TSPEAR: variants seen among roughly 807,000 people sequenced by gnomAD.
The protein encoded by TSPEAR is thrombospondin type laminin G domain and EAR repeats.
TSPEAR carries 69 observed loss-of-function variants against 71.6 expected under a neutral mutation model. That is an observed-to-expected ratio of 0.96 (90% CI 0.79 to 1.18). TSPEAR has a LOEUF of 1.18. Among genes scored for constraint, TSPEAR ranks in the 50% most tolerant of loss-of-function variants. The pLI is 0.00. For synonymous variants in TSPEAR, 402 were observed against 387.2 expected (o/e 1.04, Z -0.45); for missense variants, 971 against 894.9 (o/e 1.09, Z -1.09).
intron 1 of TSPEAR, chr21:44,702,922 G>A (rs987380934): frequency 3.4e-6 from 2 of 581,894 alleles, no homozygotes; most frequent in Admixed American, 3.0e-5. Flanking sequence ...CAAGCTGGCT[G>A]ACCTCATACC....
chr21:44,649,922 C>T (rs928504114), intron 1 of TSPEAR, among the ~76,000 whole-genome samples: 2 of 152,202 alleles, frequency 1.3e-5, no homozygotes, highest in Non-Finnish European at 2.9e-5. Flanking sequence ...GAACAGTGTC[C>T]CCTTAAAAAA....
chr21:44,653,884 T>C (rs1406873733), intron 1 of TSPEAR, among the ~76,000 whole-genome samples: 1 of 152,170 alleles, frequency 6.6e-6, no homozygotes, highest in African/African-American at 2.4e-5. Flanking sequence ...ATTCATCTGG[T>C]ACCTGCCCCT....
chr21:44,696,354 G>C (rs1555950487), intron 1 of TSPEAR, among the ~76,000 whole-genome samples: 1 of 152,218 alleles, frequency 6.6e-6, no homozygotes, highest in African/African-American at 2.4e-5. Flanking sequence ...TAAGAACATA[G>C]AATACGGGCC....
intron 2 of TSPEAR, chr21:44,539,439 G>A (rs782521385): frequency 5.6e-6 from 9 of 1,612,966 alleles, no homozygotes; most frequent in Non-Finnish European, 7.6e-6. Context: ...CGGCATACAG[G>A]GCGGCAGAGG....
chr21:44,627,453 C>G, intron 1 of TSPEAR: 4 of 1,608,776 alleles, frequency 2.5e-6, no homozygotes, highest in Non-Finnish European at 3.4e-6. Flanking sequence ...CCTCCTCCCC[C>G]TGCCAGCAGG....
At chr21:44,697,243 C>T in intron 1 of TSPEAR, 19 of 1,614,088 alleles carry the variant, frequency 1.2e-5, no homozygotes, top group Non-Finnish European at 1.6e-5. Flanking sequence ...GCAGCCGCGT[C>T]TGCCTTCCTG....
At chr21:44,523,711 A>G (rs1224333190) in intron 8 of TSPEAR, among the ~76,000 whole-genome samples, 1 of 149,148 alleles carries the variant, frequency 6.7e-6, no homozygotes, top group African/African-American at 2.5e-5. Flanking sequence ...GTAGTTAGTC[A>G]TCAGTCAGTC....
chr21:44,566,133 T>C (rs782316311), intron 2 of TSPEAR, among the ~76,000 whole-genome samples: 2 of 152,302 alleles, frequency 1.3e-5, no homozygotes, highest in African/African-American at 4.8e-5. Flanking sequence ...TGAGCCGAGA[T>C]TGCACCACTG....
intron 9 of TSPEAR, among the ~76,000 whole-genome samples, chr21:44,511,334 C>T (rs1555912653): frequency 6.7e-6 from 1 of 150,278 alleles, no homozygotes; most frequent in East Asian, 1.9e-4. Flanking sequence ...TGCATGCATA[C>T]ACACACAAAC....
intron 1 of TSPEAR, chr21:44,654,754 C>T: frequency 6.5e-6 from 4 of 611,834 alleles, no homozygotes; most frequent in Non-Finnish European, 1.2e-5. Context: ...TTTTCCTCCT[C>T]TGCCCTGTCT....
chr21:44,662,183 A>G (rs1156876168), intron 1 of TSPEAR, among the ~76,000 whole-genome samples: 1 of 152,204 alleles, frequency 6.6e-6, no homozygotes, highest in African/African-American at 2.4e-5. Flanking sequence ...CACCAAAACC[A>G]AAAAACAGAG....
At chr21:44,574,886 C>A in intron 1 of TSPEAR, 3 of 1,613,804 alleles carry the variant, frequency 1.9e-6, no homozygotes, top group Non-Finnish European at 2.5e-6. Context: ...GCTGCGTGCC[C>A]GTCCCTTCCT....
chr21:44,524,926 G>C (rs2145968714), intron 8 of TSPEAR, among the ~76,000 whole-genome samples: 1 of 151,460 alleles, frequency 6.6e-6, no homozygotes, highest in East Asian at 1.9e-4. Flanking sequence ...CAGGTAGTTA[G>C]TCATTCAGGT....
At chr21:44,515,773 A>T (rs1336680955) in intron 9 of TSPEAR, 2 of 152,242 alleles carry the variant, frequency 1.3e-5, no homozygotes, top group Non-Finnish European at 2.9e-5. Flanking sequence ...CGTTCCACGA[A>T]CACCTCCCGA....
At chr21:44,659,993 T>C (rs1985401275) in intron 1 of TSPEAR, among the ~76,000 whole-genome samples, 1 of 152,226 alleles carries the variant, frequency 6.6e-6, no homozygotes, top group Non-Finnish European at 1.5e-5. Flanking sequence ...CACAGATGGC[T>C]TCCTTCAGTG....
At chr21:44,574,827 C>A (rs1397331443) in intron 1 of TSPEAR, 1 of 1,613,874 alleles carries the variant, frequency 6.2e-7, no homozygotes, top group Non-Finnish European at 8.5e-7. Context: ...CTGCTGCAGA[C>A]CCTCCTCCTC....
chr21:44,504,814 C>T lies in TSPEAR; in HGVS notation c.1822G>A (p.Gly608Arg), dbSNP rs1479814077. Residue 608 changes from glycine (G) to arginine (R), a missense_variant, in exon 11 of 12, where the codon GGG becomes AGG. Gly to Arg is a moderately radical substitution (Grantham distance 125). Coordinates refer to ENST00000323084, the MANE Select transcript of TSPEAR (RefSeq NM_144991.3). ...ATACTGTTCACCGAGAAGGTACGCC[C>T]ATCGAAGGAGTTGGCCACCACCAGG... ...YFLVVANSFD[G>R]RTFSVNSIIY... 1.7e-5 allele frequency: 28 copies of T among 1,613,818 alleles called. No individual in the cohort carries two copies. The highest frequency in any genetic ancestry group is 2.2e-5 in the South Asian group (2 of 91,092).
At position 44,597,119 on chromosome 21, in the gene TSPEAR, A is replaced by G. The variant is rs374774927; in HGVS notation, c.83-29114T>C. 9.9e-5 allele frequency among the ~76,000 whole-genome samples: 15 copies of G among 151,958 alleles called. No homozygotes were observed. The East Asian group carries it at 2.7e-3, about 27-fold the overall frequency. On this transcript the variant is annotated intron_variant, in intron 1 of 11. Transcript: ENST00000323084. ...AGGTGTATTAACATCCCCCACTATG[A>G]TTTTCCCTTTTCTCTATTTCTACTT... is the stretch of plus-strand genomic sequence containing the variant.
chr21:44,539,161 A>G (rs1392223718), intron 2 of TSPEAR: 55 of 1,384,552 alleles, frequency 4.0e-5, no homozygotes, highest in African/African-American at 5.8e-5. Context: ...GGGAGCAAGG[A>G]GGGGGGGTCA....
Sources: gnomAD v4.1 joint callset for allele counts (sites outside exome capture counted in the v4.1 genomes callset) on GRCh38, gnomAD v4.1.1 for gene constraint, MANE v1.5 for transcripts, NCBI Gene and HGNC (gene_info 2026-07-23, HGNC 2026-07-21) for gene names.